KCNH6: variants seen among roughly 807,000 people sequenced by gnomAD.
The protein encoded by KCNH6 is voltage-gated inwardly rectifying potassium channel KCNH6.
Under a neutral mutation model 83.4 loss-of-function variants are expected in KCNH6, and 81 were observed. That is an observed-to-expected ratio of 0.97 (90% CI 0.81 to 1.17). The LOEUF is 1.17. Ranked by LOEUF, KCNH6 falls within the 50% of genes most tolerant of loss-of-function variation. The probability of loss-of-function intolerance (pLI) is 0.00; values close to 1 mark genes in which losing one functional copy is unlikely to be tolerated. For missense variants in KCNH6, 1,203 were observed against 1,290.5 expected, an observed-to-expected ratio of 0.93 and a Z score of 1.04; for synonymous variants, 503 against 545.6, an observed-to-expected ratio of 0.92 and a Z score of 1.09.
At chr17:63,528,822 T>G (rs891792212) in intron 2 of KCNH6, among the ~76,000 whole-genome samples, 5 of 144,908 alleles carry the variant, frequency 3.5e-5, no homozygotes, top group Non-Finnish European at 6.1e-5. Context: ...CTCTTGGGTA[T>G]GGGGTATTTT....
At chr17:63,531,327 C>T (rs1277874636) in intron 4 of KCNH6, among the ~76,000 whole-genome samples, 1 of 152,250 alleles carries the variant, frequency 6.6e-6, no homozygotes, top group Non-Finnish European at 1.5e-5. Context: ...GGCCTCAGGG[C>T]TTTCATCTGC....
At position 63,534,320 on chromosome 17, in the gene KCNH6, A is replaced by G; in HGVS notation, c.1101+9A>G. 6.2e-7 allele frequency: 1 copy of G among 1,600,910 alleles called. No homozygotes were observed. The highest frequency in any genetic ancestry group is 2.2e-5 in the East Asian group (1 of 44,774). On this transcript the variant is annotated intron_variant, in intron 5 of 12. Coordinates refer to ENST00000314672, the MANE Select transcript of KCNH6 (RefSeq NM_001278919.2). This position sits in a 1 kb window ranked among gnomAD's most constrained non-coding sequence, Gnocchi z 5.0. ...GCACTGGCTCCGATGAGGTGAGCAGACCCCCTCCAGGCCAGCAGCCATGGC... is the reference window on the plus strand; with the variant it reads ...GCACTGGCTCCGATGAGGTGAGCAGGCCCCCTCCAGGCCAGCAGCCATGGC...
chr17:63,528,622 C>A (rs1374611476), intron 2 of KCNH6, among the ~76,000 whole-genome samples: 1 of 152,178 alleles, frequency 6.6e-6, no homozygotes. Context: ...CAACAAACAA[C>A]ACCTGGGACA....
intron 4 of KCNH6, 142 bp downstream of exon 4, chr17:63,530,684 G>A (rs528721377): frequency 2.2e-5 from 16 of 727,628 alleles, no homozygotes; most frequent in Middle Eastern, 3.9e-4. Flanking sequence ...TTTGAGCCCC[G>A]GGCCTCCTGT....
chr17:63,530,185 G>A lies in KCNH6; in HGVS notation c.402G>A (p.Gln134=), dbSNP rs748530315. 1.2e-6 allele frequency: 2 copies of A among 1,614,208 alleles called. No individual in the cohort carries two copies. Among genetic ancestry groups the A allele is most frequent in the African/African-American group, 1.3e-5 (1 of 75,068 alleles). ...MFILNFEDLA[Q]LLAKCSSRSL... is the part of the protein sequence containing the mutation. ...TTCTCAACTTCGAGGACCTGGCCCA[G>A]CTCCTGGCCAAGTGCAGCAGCCGCA... Residue 134 remains glutamine (Q), a synonymous_variant, in exon 3 of 13, where the codon CAG becomes CAA. Transcript: ENST00000314672.
Position 63,533,787 on chromosome 17 carries a change from A to C in KCNH6, c.676-99A>C. On this transcript the variant is annotated intron_variant, in intron 4 of 12. Transcript: ENST00000314672. The surrounding 1 kb of genome is among the most constrained non-coding windows in gnomAD (Gnocchi z 4.1). ...CTGCCCACCAGAGCCGTGGTCACCC[A>C]CCCTCTCCCACTACACCTTCCCCAG... The C allele has an allele frequency of 1.7e-6, 2 of 1,144,278 alleles. No individual in the cohort carries two copies. The highest frequency in any genetic ancestry group is 1.2e-6 in the Non-Finnish European group (1 of 801,774). 70.9% of individuals were successfully genotyped at this position (1,144,278 alleles called of 1,614,324 possible).
chr17:63,536,090 G>C, intron 6 of KCNH6, 22 bp downstream of exon 6: 1 of 1,606,184 alleles, frequency 6.2e-7, no homozygotes, highest in South Asian at 1.1e-5. Flanking sequence ...CTCATGCCAC[G>C]GCCTAACTTC....
chr17:63,544,540 T>C (rs1003047820), intron 11 of KCNH6, 129 bp downstream of exon 11: 2 of 732,810 alleles, frequency 2.7e-6, no homozygotes, highest in African/African-American at 1.8e-5. Flanking sequence ...TCCCCATACC[T>C]GTCATTAAGC....
In KCNH6 at chr17:63,524,000, C is replaced by A; in HGVS notation, c.77-139C>A. On this transcript the variant is annotated intron_variant, in intron 1 of 12. Coordinates refer to ENST00000314672, the MANE Select transcript of KCNH6 (RefSeq NM_001278919.2). This position sits in a 1 kb window ranked among gnomAD's most constrained non-coding sequence, Gnocchi z 4.2. ...GTCTTCCCACAATCCCCAGGCCTGA[C>A]TCCCTCCCTCATTCCGGTCACTGCC... The A allele has an allele frequency of 1.4e-6, 1 of 708,514 alleles. No homozygotes were observed. Among genetic ancestry groups the A allele is most frequent in the Non-Finnish European group, 2.6e-6 (1 of 389,130 alleles). 43.9% of individuals were successfully genotyped at this position (708,514 alleles called of 1,614,324 possible). A position where few individuals can be genotyped will look rare whatever the true frequency, so the allele number is the denominator to read the frequency against.
In KCNH6 at chr17:63,535,237, G is replaced by A. The variant is rs137958418; in HGVS notation, c.1102-432G>A. On this transcript the variant is annotated intron_variant, in intron 5 of 12. Transcript: ENST00000314672. The surrounding 1 kb of genome is among the most constrained non-coding windows in gnomAD (Gnocchi z 4.9). Reference sequence around the variant, plus strand: ...CACTGCTCCTCCATCTCCCATGTGCGCATCGGGCTGCAGTGCCACACTCGG... The same window carrying A: ...CACTGCTCCTCCATCTCCCATGTGCACATCGGGCTGCAGTGCCACACTCGG... Among the ~76,000 whole-genome samples the A allele has an allele frequency of 1.9e-3, 296 of 152,270 alleles. 2 individuals carry two copies. The highest frequency in any genetic ancestry group is 0.01 in the Middle Eastern group (3 of 294).
intron 4 of KCNH6, among the ~76,000 whole-genome samples, chr17:63,531,210 A>G (rs573225019): frequency 1.3e-5 from 2 of 152,312 alleles, no homozygotes; most frequent in East Asian, 3.9e-4. Context: ...AGCCCTGACC[A>G]TTCCAGAGGG....
At chr17:63,527,289 G>A (rs118078121) in intron 2 of KCNH6, among the ~76,000 whole-genome samples, 2,677 of 152,286 alleles carry the variant, frequency 0.018, 29 homozygotes, top group Non-Finnish European at 0.026. Context: ...AAGCTAGGAG[G>A]CAGCATGCAG....
intron 2 of KCNH6, among the ~76,000 whole-genome samples, chr17:63,528,681 C>T (rs1204620536): frequency 6.6e-6 from 1 of 152,226 alleles, no homozygotes; most frequent in Non-Finnish European, 1.5e-5. Flanking sequence ...TCTGCCTTCT[C>T]ATCTGCGTGG....
At chr17:63,544,902 G>T (rs1465596389) in intron 11 of KCNH6, among the ~76,000 whole-genome samples, 176 bp from the exon 12 acceptor site, 1 of 152,158 alleles carries the variant, frequency 6.6e-6, no homozygotes, top group East Asian at 1.9e-4. Flanking sequence ...AGAGTCAGGG[G>T]TGTACCAGGG....
rs559880104 is a variant in KCNH6, at chr17:63,533,554, T to C, written c.676-332T>C. ...TGTGGAATGGGTCTATAGATGTCCA[T>C]GGGCCTGGCCCTCCCCTGCCTGGCT... On this transcript the variant is annotated intron_variant, in intron 4 of 12. Transcript: ENST00000314672. The surrounding 1 kb of genome is among the most constrained non-coding windows in gnomAD (Gnocchi z 4.1). Among the ~76,000 whole-genome samples, 23 of 152,244 alleles carry C rather than the reference T, an allele frequency of 1.5e-4. No individual in the cohort carries two copies. The highest frequency in any genetic ancestry group is 2.8e-4 in the Non-Finnish European group (19 of 68,002).
chr17:63,525,700 C>T (rs2031665349), intron 2 of KCNH6, among the ~76,000 whole-genome samples: 1 of 152,128 alleles, frequency 6.6e-6, no homozygotes, highest in East Asian at 1.9e-4. Context: ...CTGCTGCTGC[C>T]ACTTGAGTGA....
chr17:63,530,009 A>G, intron 2 of KCNH6, 82 bp from the exon 3 acceptor site: 1 of 1,475,282 alleles, frequency 6.8e-7, no homozygotes, highest in Non-Finnish European at 9.3e-7. Context: ...CTTGACCTTC[A>G]CTCAGCCCCT....
intron 10 of KCNH6, chr17:63,543,950 G>A: frequency 1.1e-6 from 1 of 911,478 alleles, no homozygotes; most frequent in South Asian, 1.7e-5. Flanking sequence ...GGCATCAGGG[G>A]GGCCACTGGG....
At position 63,532,798 on chromosome 17, in the gene KCNH6, G is replaced by T. The variant is rs538252158; in HGVS notation, c.676-1088G>T. On this transcript the variant is annotated intron_variant, in intron 4 of 12. Coordinates refer to ENST00000314672, the MANE Select transcript of KCNH6 (RefSeq NM_001278919.2). ...AGGAGGTCCATGGAACACCCCTCCG[G>T]CTCCATCCTTGTCTGGAGCAGTGTC... 4.6e-5 allele frequency among the ~76,000 whole-genome samples: 7 copies of T among 152,278 alleles called. No individual in the cohort carries two copies. The East Asian group carries it at 7.7e-4, about 17-fold the overall frequency.
Sources: allele counts gnomAD v4.1 joint callset (sites outside exome capture counted in the v4.1 genomes callset), GRCh38; gene constraint gnomAD v4.1.1; non-coding constraint Gnocchi (gnomAD v3.1); transcripts MANE v1.5; gene names NCBI Gene and HGNC (gene_info 2026-07-23, HGNC 2026-07-21).